Variants in COL22A1 observed in about 807,000 individuals in gnomAD.
COL22A1 encodes the protein collagen alpha-1(XXII) chain.
Under a neutral mutation model 248.9 loss-of-function variants are expected in COL22A1, and 221 were observed. That is an observed-to-expected ratio of 0.89 (90% CI 0.80 to 0.99). The LOEUF (loss-of-function observed/expected upper bound fraction) is 0.99, where lower values mean the gene tolerates loss of function less well. Ranked by LOEUF, COL22A1 falls within the 50% of genes least tolerant of loss-of-function variation. The pLI is 0.00. For synonymous variants in COL22A1, 891 were observed against 793.4 expected (o/e 1.12, Z -2.07); for missense variants, 2,240 against 2,179.0 (o/e 1.03, Z -0.56).
At chr8:138,858,108 C>T (rs1276585088) in intron 3 of COL22A1, among the ~76,000 whole-genome samples, 2 of 152,170 alleles carry the variant, frequency 1.3e-5, no homozygotes, top group Admixed American at 6.5e-5. Flanking sequence ...GTCCTTGCTG[C>T]CTCTGTTCTG....
At chr8:138,734,196 A>G (rs1004855427) in intron 23 of COL22A1, among the ~76,000 whole-genome samples, 1 of 152,196 alleles carries the variant, frequency 6.6e-6, no homozygotes, top group Non-Finnish European at 1.5e-5. Flanking sequence ...CTTCAATGAC[A>G]GTCGTCTTCT....
At chr8:138,834,638 A>C (rs1820295092) in intron 4 of COL22A1, among the ~76,000 whole-genome samples, 1 of 151,996 alleles carries the variant, frequency 6.6e-6, no homozygotes, top group Non-Finnish European at 1.5e-5. Context: ...GCTTTATTTC[A>C]TCTGTAAAAA....
intron 41 of COL22A1, among the ~76,000 whole-genome samples, chr8:138,672,459 T>A (rs2130778562): frequency 6.6e-6 from 1 of 152,256 alleles, no homozygotes; most frequent in East Asian, 1.9e-4. Context: ...TTAGGGCACT[T>A]GAGATATTTG....
intron 58 of COL22A1, 82 bp from the exon 59 acceptor site, chr8:138,604,851 C>T (rs765529993): frequency 1.3e-5 from 15 of 1,147,680 alleles, no homozygotes; most frequent in Non-Finnish European, 1.9e-5. Context: ...ACTGACATTT[C>T]CACTCAAGTC....
At chr8:138,661,947 G>A (rs961205094) in intron 43 of COL22A1, 83 bp downstream of exon 43, 2 of 1,048,234 alleles carry the variant, frequency 1.9e-6, no homozygotes, top group African/African-American at 3.2e-5. Context: ...CATGGTCAAA[G>A]GAGGCCAGGA....
chr8:138,757,033 C>T (rs1833062418), intron 18 of COL22A1, among the ~76,000 whole-genome samples: 1 of 152,150 alleles, frequency 6.6e-6, no homozygotes, highest in Non-Finnish European at 1.5e-5. Flanking sequence ...CTGCCAGTAC[C>T]CCTGCACACA....
At chr8:138,814,053 C>T (rs929839977) in intron 7 of COL22A1, among the ~76,000 whole-genome samples, 10 of 152,112 alleles carry the variant, frequency 6.6e-5, no homozygotes, top group African/African-American at 2.2e-4. Context: ...TGAACACATT[C>T]ACACACACAC....
chr8:138,593,987 G>A (rs375352490), intron 63 of COL22A1, 30 bp downstream of exon 63: 100 of 1,490,218 alleles, frequency 6.7e-5, no homozygotes, highest in Middle Eastern at 3.6e-4. Context: ...AGGAGTACAC[G>A]GAGCATATCT....
intron 47 of COL22A1, among the ~76,000 whole-genome samples, chr8:138,640,122 T>C (rs1476848379): frequency 6.6e-6 from 1 of 152,248 alleles, no homozygotes; most frequent in African/African-American, 2.4e-5. Context: ...TAGCATATTG[T>C]CTGTAATGCA....
chr8:138,592,179 A>C (rs1817127266), intron 63 of COL22A1, among the ~76,000 whole-genome samples: 1 of 152,242 alleles, frequency 6.6e-6, no homozygotes, highest in African/African-American at 2.4e-5. Context: ...GAATTTCAAA[A>C]AAACACTACA....
chr8:138,905,601 A>C (rs1814948348), intron 1 of COL22A1, among the ~76,000 whole-genome samples: 1 of 152,138 alleles, frequency 6.6e-6, no homozygotes, highest in Non-Finnish European at 1.5e-5. Flanking sequence ...ACCTCTGAGG[A>C]GTTTCCATTC....
intron 11 of COL22A1, among the ~76,000 whole-genome samples, chr8:138,797,573 A>G (rs1232961671): frequency 6.6e-6 from 1 of 152,192 alleles, no homozygotes; most frequent in East Asian, 1.9e-4. Context: ...GTGTAAACAT[A>G]TCTTTGCATT....
intron 30 of COL22A1, among the ~76,000 whole-genome samples, chr8:138,704,549 C>T (rs1268666816): frequency 6.6e-6 from 1 of 152,118 alleles, no homozygotes; most frequent in Non-Finnish European, 1.5e-5. Flanking sequence ...TTCAACAGAC[C>T]TGCAGCTGAG....
At chr8:138,659,394 G>T (rs544559990) in intron 44 of COL22A1, among the ~76,000 whole-genome samples, 2 of 152,300 alleles carry the variant, frequency 1.3e-5, no homozygotes, top group South Asian at 4.2e-4. Context: ...AGCAGGTCAG[G>T]CTTACAAAAG....
Position 138,858,981 on chromosome 8 carries a change from C to A in COL22A1, c.659-14823G>T, listed in dbSNP as rs1176115260. The stretch of plus-strand genomic sequence containing the variant: ...CCCAGGAGGCCAGGCCTCGTCCCAG[C>A]GTTGACCCTAAGTCACTCCATGTCT... On this transcript the variant is annotated intron_variant, in intron 3 of 64. Transcript: ENST00000303045. 2.0e-5 allele frequency among the ~76,000 whole-genome samples: 3 copies of A among 152,136 alleles called. No homozygotes were observed. The East Asian group carries it at 5.8e-4, about 29-fold the overall frequency.
At chr8:138,856,591 TG>T (rs1822034464) in intron 3 of COL22A1, among the ~76,000 whole-genome samples, 1 of 105,832 alleles carries the variant, frequency 9.4e-6, no homozygotes, top group East Asian at 3.0e-4. Context: ...ACAGAGGCAG[TG>T]AGAGAGAGAG....
At position 138,878,285 on chromosome 8, in the gene COL22A1, G is replaced by T; in HGVS notation, c.123C>A (p.Phe41Leu). 6.4e-7 allele frequency: 1 copy of T among 1,573,424 alleles called. No individual in the cohort carries two copies. The highest frequency in any genetic ancestry group is 2.3e-5 in the East Asian group (1 of 43,398). ...CCACGCTGGAGGAGGTGTCCAGGAG[G>T]AAGACCAGATCGTAGTGGACACTTT... Reference protein sequence around the residue: ...GCKSVHYDLVFLLDTSSSVGK... With the variant: ...GCKSVHYDLVLLLDTSSSVGK... Residue 41 changes from phenylalanine to leucine, a missense_variant, in exon 3 of 65, where the codon TTC (phenylalanine) becomes TTA (leucine). By Grantham distance (22) the Phe-to-Leu change is conservative. Coordinates refer to ENST00000303045, the MANE Select transcript of COL22A1 (RefSeq NM_152888.3).
At chr8:138,762,302 C>G in intron 17 of COL22A1, 111 bp downstream of exon 17, 1 of 1,051,570 alleles carries the variant, frequency 9.5e-7, no homozygotes, top group Non-Finnish European at 1.4e-6. Context: ...TCCAGCTGAG[C>G]AAGGAGGAGG....
At chr8:138,641,234 A>G (rs548283218) in intron 47 of COL22A1, among the ~76,000 whole-genome samples, 472 of 152,294 alleles carry the variant, frequency 3.1e-3, no homozygotes, top group African/African-American at 0.01. Flanking sequence ...AGGCTTTTTC[A>G]GGTAGTGCCA....
Sources: gnomAD v4.1 joint callset for allele counts (sites outside exome capture counted in the v4.1 genomes callset) on GRCh38, gnomAD v4.1.1 for gene constraint, MANE v1.5 for transcripts, NCBI Gene and HGNC (gene_info 2026-07-23, HGNC 2026-07-21) for gene names.